Variants in IGSF21 observed in about 807,000 individuals in gnomAD.
IGSF21 encodes the protein immunoglobulin superfamily member 21.
In IGSF21, 28 loss-of-function variants were observed where a neutral mutation model predicts 46.8. The ratio of observed to expected loss-of-function variants is 0.60; its 90% CI spans 0.44 to 0.82. The LOEUF (loss-of-function observed/expected upper bound fraction) is 0.82. Ranked by LOEUF, IGSF21 falls within the 40% of genes least tolerant of loss-of-function variation. The pLI, the probability that IGSF21 is intolerant of heterozygous loss-of-function variation, is 0.00. For missense variants in IGSF21, 624 were observed against 665.5 expected (o/e 0.94, Z 0.69); for synonymous variants, 284 against 273.6 (o/e 1.04, Z -0.38).
At chr1:18,117,224 A>T (rs1353770374) in intron 1 of IGSF21, among the ~76,000 whole-genome samples, 1 of 152,174 alleles carries the variant, frequency 6.6e-6, no homozygotes, top group African/African-American at 2.4e-5. Context: ...TCGTTTGGAG[A>T]TGGCCCACTT....
At chr1:18,266,251 G>A (rs972397493) in intron 2 of IGSF21, among the ~76,000 whole-genome samples, 3 of 152,166 alleles carry the variant, frequency 2.0e-5, no homozygotes, top group Admixed American at 2.0e-4. Flanking sequence ...GAGAGGCTAG[G>A]TAACTTGTTC....
intron 2 of IGSF21, among the ~76,000 whole-genome samples, chr1:18,234,013 A>C (rs1444312656): frequency 6.6e-6 from 1 of 152,140 alleles, no homozygotes; most frequent in African/African-American, 2.4e-5. Flanking sequence ...GTCCAACCAT[A>C]TCATAAGGGC....
intron 2 of IGSF21, among the ~76,000 whole-genome samples, chr1:18,236,124 C>G (rs2084670735): frequency 6.6e-6 from 1 of 151,918 alleles, no homozygotes; most frequent in Non-Finnish European, 1.5e-5. Context: ...TTGGCTATGT[C>G]CCCACCCAAA....
chr1:18,367,605 T>C (rs28693372), intron 6 of IGSF21, among the ~76,000 whole-genome samples: 1,521 of 114,686 alleles, frequency 0.013, 22 homozygotes, highest in African/African-American at 0.05. Flanking sequence ...CTCTCTCTCT[T>C]TTTTTTTTTT....
At chr1:18,350,522 G>A (rs1024566286) in intron 4 of IGSF21, among the ~76,000 whole-genome samples, 2 of 152,140 alleles carry the variant, frequency 1.3e-5, no homozygotes, top group East Asian at 1.9e-4. Flanking sequence ...TCAAGCAAAC[G>A]CAGTTCAATG....
intron 1 of IGSF21, among the ~76,000 whole-genome samples, chr1:18,199,283 G>C (rs184442853): frequency 1.3e-5 from 2 of 152,024 alleles, no homozygotes; most frequent in African/African-American, 4.8e-5. Flanking sequence ...TCAGTGTTTC[G>C]ACCTCTCCCA....
chr1:18,305,485 G>GAC (rs2085413030), intron 3 of IGSF21, among the ~76,000 whole-genome samples: 1 of 139,696 alleles, frequency 7.2e-6, no homozygotes, highest in African/African-American at 2.7e-5. Context: ...ATGGATGGAT[G>GAC]GATGATGGAT....
chr1:18,114,120 G>C (rs2086165913), intron 1 of IGSF21: 2 of 152,236 alleles, frequency 1.3e-5, no homozygotes, highest in African/African-American at 4.8e-5. Context: ...CACAGAGGAT[G>C]GTTCATGGCC....
chr1:18,288,554 G>A (rs1290547904), intron 2 of IGSF21, among the ~76,000 whole-genome samples: 1 of 152,190 alleles, frequency 6.6e-6, no homozygotes, highest in Non-Finnish European at 1.5e-5. Context: ...AGAATTAAAG[G>A]CGAGGTGTCT....
intron 1 of IGSF21, among the ~76,000 whole-genome samples, chr1:18,156,328 G>T (rs946179995): frequency 6.6e-6 from 1 of 152,192 alleles, no homozygotes; most frequent in Non-Finnish European, 1.5e-5. Context: ...GGCACTCCTC[G>T]CTGGCCAAGC....
chr1:18,245,551 A>T (rs1330511394), intron 2 of IGSF21, among the ~76,000 whole-genome samples: 4 of 152,136 alleles, frequency 2.6e-5, no homozygotes, highest in Middle Eastern at 3.4e-3. Flanking sequence ...AAATTAGATG[A>T]ATTCATTTTT....
intron 1 of IGSF21, among the ~76,000 whole-genome samples, chr1:18,182,549 A>G (rs1271374113): frequency 6.6e-6 from 1 of 152,156 alleles, no homozygotes. Context: ...CACAACTCTT[A>G]GCAGCTGTCC....
chr1:18,233,939 A>C (rs2084650511), intron 2 of IGSF21, among the ~76,000 whole-genome samples: 1 of 152,202 alleles, frequency 6.6e-6, no homozygotes, highest in African/African-American at 2.4e-5. Context: ...CCAGCCCTTC[A>C]CAATGTTTCA....
intron 1 of IGSF21, among the ~76,000 whole-genome samples, chr1:18,145,065 G>A (rs1266709271): frequency 6.6e-6 from 1 of 152,132 alleles, no homozygotes; most frequent in Non-Finnish European, 1.5e-5. Context: ...ATAATTTGAA[G>A]CGTTTAGAAA....
rs557364572 is a variant in IGSF21 at position 18,375,836 on chromosome 1, C to T, written c.1016-474C>T. 9.1e-5 allele frequency: 16 copies of T among 175,224 alleles called. No individual in the cohort carries two copies. The East Asian group carries it at 1.8e-3, about 19-fold the overall frequency. 10.9% of individuals were successfully genotyped at this position (175,224 alleles called of 1,614,324 possible). On this transcript the variant is annotated intron_variant, in intron 6 of 9. Coordinates refer to ENST00000251296, the MANE Select transcript of IGSF21 (RefSeq NM_032880.5). ...ACAATGGGGCTGATGACACCAGAAA[C>T]GCACCTCCCAAGGGGGTAGCGTGGG...
intron 3 of IGSF21, among the ~76,000 whole-genome samples, chr1:18,292,302 G>A (rs1239691837): frequency 6.6e-6 from 1 of 152,236 alleles, no homozygotes; most frequent in Non-Finnish European, 1.5e-5. Flanking sequence ...GAGAGGGGGA[G>A]CAATGGGCCT....
At chr1:18,375,489 C>T (rs1377345287) in intron 6 of IGSF21, among the ~76,000 whole-genome samples, 1 of 152,204 alleles carries the variant, frequency 6.6e-6, no homozygotes, top group African/African-American at 2.4e-5. Context: ...CTGATATTCT[C>T]AGGTGTCGTT....
In IGSF21 at chr1:18,107,825, G is replaced by A. The variant is rs915062696; in HGVS notation, c.-304G>A. 6.4e-6 allele frequency: 1 copy of A among 156,344 alleles called. No individual in the cohort carries two copies. The highest frequency in any genetic ancestry group is 2.4e-5 in the African/African-American group (1 of 41,402). The allele number at this position is 156,344 out of a possible 1,614,324, so 9.7% of individuals were successfully genotyped here. ...TTCGGCTCCAAACTCCGGCGCTGCA[G>A]CCGATCGGACTCTGGGCCGCGGTGG... On this transcript the variant is annotated 5_prime_UTR_variant, in exon 1 of 10. Transcript: ENST00000251296.
intron 4 of IGSF21, among the ~76,000 whole-genome samples, chr1:18,345,249 A>G (rs574901556): frequency 2.6e-5 from 4 of 152,206 alleles, no homozygotes; most frequent in Non-Finnish European, 4.4e-5. Context: ...TCTCTAGTAA[A>G]TTAGCTTGAC....
Sources: gnomAD v4.1 joint callset for allele counts (sites outside exome capture counted in the v4.1 genomes callset) on GRCh38, gnomAD v4.1.1 for gene constraint, MANE v1.5 for transcripts, NCBI Gene and HGNC (gene_info 2026-07-23, HGNC 2026-07-21) for gene names.